The following MECOM variants were observed in gnomAD, a reference collection of about 807,000 sequenced individuals.
The protein encoded by MECOM is histone-lysine N-methyltransferase MECOM.
Under a neutral mutation model 116.3 loss-of-function variants are expected in MECOM, and 13 were observed. The observed-to-expected ratio is 0.11, with a 90% CI of 0.07 to 0.18. The LOEUF (loss-of-function observed/expected upper bound fraction) is 0.18. Among genes scored for constraint, MECOM ranks in the 10% least tolerant of loss-of-function variants. MECOM has a pLI of 1.00. For missense variants in MECOM, 1,299 were observed against 1,509.0 expected, an observed-to-expected ratio of 0.86 and a Z score of 2.31; for synonymous variants, 528 against 535.2, an observed-to-expected ratio of 0.99 and a Z score of 0.19.
intron 2 of MECOM, among the ~76,000 whole-genome samples, chr3:169,260,849 A>G (rs1757447386): frequency 6.6e-6 from 1 of 152,252 alleles, no homozygotes; most frequent in Non-Finnish European, 1.5e-5. Flanking sequence ...GTCACTTGTC[A>G]ATGAATATCA....
chr3:169,526,033 G>GAAA (rs36077732), intron 1 of MECOM, among the ~76,000 whole-genome samples: 3 of 146,764 alleles, frequency 2.0e-5, no homozygotes, highest in Non-Finnish European at 1.5e-5. Context: ...CATCTTGAAG[G>GAAA]AAAAAAAAAA....
At chr3:169,195,163 A>G (rs1748254058) in intron 2 of MECOM, among the ~76,000 whole-genome samples, 1 of 152,046 alleles carries the variant, frequency 6.6e-6, no homozygotes, top group African/African-American at 2.4e-5. Context: ...AAATATACCT[A>G]TTTTAGCTAA....
intron 2 of MECOM, among the ~76,000 whole-genome samples, chr3:169,224,495 T>C (rs187801715): frequency 6.6e-6 from 1 of 152,266 alleles, no homozygotes; most frequent in African/African-American, 2.4e-5. Context: ...CAGGCCACTG[T>C]CACCCACATA....
chr3:169,311,966 T>C (rs1468294905), intron 2 of MECOM, among the ~76,000 whole-genome samples: 4 of 152,134 alleles, frequency 2.6e-5, no homozygotes, highest in African/African-American at 9.7e-5. Flanking sequence ...AGAAGCAAGG[T>C]GGCCACTGTG....
chr3:169,633,902 CA>C (rs3045472), intron 1 of MECOM, among the ~76,000 whole-genome samples: 50,068 of 135,914 alleles, frequency 0.37, 8,061 homozygotes, highest in Middle Eastern at 0.43. Context: ...GTGACCCTGG[CA>C]AAAAAAAAAA....
intron 2 of MECOM, among the ~76,000 whole-genome samples, chr3:169,190,913 G>A (rs1050107045): frequency 6.6e-6 from 1 of 151,948 alleles, no homozygotes; most frequent in African/African-American, 2.4e-5. Flanking sequence ...ATATCAATGT[G>A]TATCTACCCT....
intron 2 of MECOM, among the ~76,000 whole-genome samples, chr3:169,205,441 G>T (rs1356490336): frequency 2.0e-5 from 3 of 152,162 alleles, no homozygotes; most frequent in East Asian, 1.9e-4. Context: ...ATTTGAAAAT[G>T]ATTTATAGGC....
At chr3:169,574,779 A>G (rs972826137) in intron 1 of MECOM, among the ~76,000 whole-genome samples, 1 of 152,134 alleles carries the variant, frequency 6.6e-6, no homozygotes, top group East Asian at 1.9e-4. Context: ...TGAAAGACTT[A>G]GCAGCCATTG....
intron 1 of MECOM, among the ~76,000 whole-genome samples, chr3:169,433,673 G>GAA (rs777646335): frequency 1.4e-5 from 2 of 144,790 alleles, no homozygotes. Context: ...AAGAAAGAAA[G>GAA]AAAGAAAGAA....
intron 2 of MECOM, among the ~76,000 whole-genome samples, chr3:169,174,753 T>C (rs1744900731): frequency 6.6e-6 from 1 of 151,012 alleles, no homozygotes; most frequent in African/African-American, 2.5e-5. Context: ...ATTTCTTTCT[T>C]CTCTTCTGAA....
intron 2 of MECOM, among the ~76,000 whole-genome samples, chr3:169,182,543 G>T (rs1446384714): frequency 6.6e-6 from 1 of 152,184 alleles, no homozygotes; most frequent in Non-Finnish European, 1.5e-5. Flanking sequence ...ATTCAGCCAA[G>T]AACTCACAAG....
intron 2 of MECOM, chr3:169,145,278 G>C (rs192554943): frequency 4.9e-6 from 2 of 407,858 alleles, no homozygotes; most frequent in Non-Finnish European, 8.7e-6. Context: ...TCTATTAAGA[G>C]GACAAATTCT....
intron 2 of MECOM, among the ~76,000 whole-genome samples, chr3:169,232,334 A>G (rs1162001645): frequency 2.6e-5 from 4 of 152,114 alleles, no homozygotes; most frequent in African/African-American, 9.7e-5. Flanking sequence ...CAGCTCCACC[A>G]CTGTTACCTA....
At chr3:169,220,996 G>A (rs1752068863) in intron 2 of MECOM, among the ~76,000 whole-genome samples, 1 of 152,170 alleles carries the variant, frequency 6.6e-6, no homozygotes, top group South Asian at 2.1e-4. Context: ...TTAGGGAAAG[G>A]CACTCTATAC....
chr3:169,183,781 C>G (rs1432826785), intron 2 of MECOM, among the ~76,000 whole-genome samples: 1 of 75,138 alleles, frequency 1.3e-5, no homozygotes, highest in African/African-American at 9.3e-5. Context: ...CACACACACA[C>G]ACACACACAC....
chr3:169,219,677 GGAGT>G (rs1751870281), intron 2 of MECOM, among the ~76,000 whole-genome samples: 1 of 151,816 alleles, frequency 6.6e-6, no homozygotes, highest in Non-Finnish European at 1.5e-5. Context: ...TGGTGTAGAA[GGAGT>G]GAGAGAAAGT....
chr3:169,201,500 C>A (rs975715754), intron 2 of MECOM, among the ~76,000 whole-genome samples: 1 of 152,026 alleles, frequency 6.6e-6, no homozygotes, highest in Non-Finnish European at 1.5e-5. Context: ...ACTTCCCATA[C>A]CCTCAAGCTA....
chr3:169,649,955 T>C (rs556850140), intron 1 of MECOM, among the ~76,000 whole-genome samples: 1 of 152,364 alleles, frequency 6.6e-6, no homozygotes, highest in South Asian at 2.1e-4. Context: ...CAAAACCCAG[T>C]TATTCCATTT....
chr3:169,084,149 A>C lies in MECOM; in HGVS notation c.*760T>G, dbSNP rs1369940963. 3 of 232,038 alleles carry C rather than the reference A, an allele frequency of 1.3e-5. No individual in the cohort carries two copies. Among genetic ancestry groups the C allele is most frequent in the African/African-American group, 6.6e-5 (3 of 45,320 alleles). 14.4% of individuals were successfully genotyped at this position (232,038 alleles called of 1,614,324 possible). On this transcript the variant is annotated 3_prime_UTR_variant, in exon 17 of 17. Transcript: ENST00000651503. The stretch of plus-strand genomic sequence containing the variant: ...TACACGCAACACACACAAAAAAATA[A>C]ACATTAAAAACAGTGACATGATTGT...
Sources: gnomAD v4.1 joint callset for allele counts (sites outside exome capture counted in the v4.1 genomes callset) on GRCh38, gnomAD v4.1.1 for gene constraint, MANE v1.5 for transcripts, NCBI Gene and HGNC (gene_info 2026-07-23, HGNC 2026-07-21) for gene names.